Variants in ADCY2 observed in about 807,000 individuals in gnomAD.
The protein encoded by ADCY2 is adenylate cyclase type 2.
In ADCY2, 31 loss-of-function variants were observed where a neutral mutation model predicts 125.2. The ratio of observed to expected loss-of-function variants is 0.25; its 90% CI spans 0.19 to 0.33. The LOEUF is 0.33. Ranked by LOEUF, ADCY2 falls within the 10% of genes least tolerant of loss-of-function variation. The pLI is 1.00. For synonymous variants in ADCY2, 512 were observed against 548.4 expected (o/e 0.93, Z 0.93); for missense variants, 904 against 1,418.2 (o/e 0.64, Z 5.82).
chr5:7,410,982 C>G (rs1739692257), intron 1 of ADCY2, among the ~76,000 whole-genome samples: 1 of 152,126 alleles, frequency 6.6e-6, no homozygotes, highest in Non-Finnish European at 1.5e-5. Context: ...GAGAGTGTCT[C>G]TTTATTCCAT....
intron 18 of ADCY2, 97 bp downstream of exon 18, chr5:7,773,198 G>T: frequency 7.9e-7 from 1 of 1,268,662 alleles, no homozygotes; most frequent in Non-Finnish European, 1.1e-6. Flanking sequence ...CGATGTCATT[G>T]TCATTGATAA....
In ADCY2 at chr5:7,757,347, A is replaced by C. The variant is rs144028157; in HGVS notation, c.1957-102A>C. The C allele has an allele frequency of 1.2e-3, 1,716 of 1,433,562 alleles. 2 individuals carry two copies. Among genetic ancestry groups the C allele is most frequent in the Non-Finnish European group, 1.6e-3 (1,642 of 1,049,550 alleles). The allele number at this position is 1,433,562 out of a possible 1,614,324, so 88.8% of individuals were successfully genotyped here. A position where few individuals can be genotyped will look rare whatever the true frequency, so the allele number is the denominator to read the frequency against. On this transcript the variant is annotated intron_variant, in intron 15 of 24. Coordinates refer to ENST00000338316, the MANE Select transcript of ADCY2 (RefSeq NM_020546.3). ...ATAGAATCTACATGTTTAGTCTATG[A>C]ACAATGTTGGTGCTTCTTGTGGTTG... is the stretch of plus-strand genomic sequence containing the variant.
chr5:7,678,513 AAGAG>A (rs369360459), intron 4 of ADCY2, among the ~76,000 whole-genome samples: 47 of 152,360 alleles, frequency 3.1e-4, no homozygotes, highest in African/African-American at 8.9e-4. Flanking sequence ...ATAAAATTGA[AAGAG>A]AGAGATGTAC....
chr5:7,540,233 A>G (rs1309491418), intron 3 of ADCY2, among the ~76,000 whole-genome samples: 1 of 152,074 alleles, frequency 6.6e-6, no homozygotes, highest in Non-Finnish European at 1.5e-5. Flanking sequence ...AATGGGTACT[A>G]GGCCAGGTGA....
At chr5:7,818,875 T>C (rs1745205964) in intron 23 of ADCY2, among the ~76,000 whole-genome samples, 1 of 152,142 alleles carries the variant, frequency 6.6e-6, no homozygotes, top group South Asian at 2.1e-4. Flanking sequence ...ATGGGTGTAT[T>C]AGGGTTATCT....
chr5:7,670,359 C>G (rs1739891505), intron 4 of ADCY2, among the ~76,000 whole-genome samples: 1 of 152,136 alleles, frequency 6.6e-6, no homozygotes. Flanking sequence ...TAATAATATC[C>G]ATTTTCTCAA....
At chr5:7,451,366 G>T (rs1741464205) in intron 2 of ADCY2, among the ~76,000 whole-genome samples, 1 of 152,208 alleles carries the variant, frequency 6.6e-6, no homozygotes, top group Admixed American at 6.5e-5. Flanking sequence ...AATGCATGGA[G>T]GAAGTAACTG....
intron 2 of ADCY2, among the ~76,000 whole-genome samples, chr5:7,439,998 A>G (rs1019361109): frequency 6.6e-6 from 1 of 152,200 alleles, no homozygotes; most frequent in African/African-American, 2.4e-5. Flanking sequence ...GTGGAATAAG[A>G]TGGGTGAGAA....
At chr5:7,759,751 C>G (rs1743134621) in intron 16 of ADCY2, among the ~76,000 whole-genome samples, 2 of 152,184 alleles carry the variant, frequency 1.3e-5, no homozygotes, top group South Asian at 4.1e-4. Flanking sequence ...GGAAAATGTG[C>G]CATGTCTAGA....
At chr5:7,508,698 G>A (rs974215279) in intron 2 of ADCY2, among the ~76,000 whole-genome samples, 1 of 152,198 alleles carries the variant, frequency 6.6e-6, no homozygotes, top group African/African-American at 2.4e-5. Context: ...TCACCTGCCG[G>A]CTTCCATGGC....
intron 3 of ADCY2, among the ~76,000 whole-genome samples, chr5:7,569,682 T>A (rs1736013708): frequency 1.3e-5 from 2 of 152,076 alleles, no homozygotes; most frequent in South Asian, 4.1e-4. Context: ...GCCTAATCAT[T>A]CCTCTGAACT....
chr5:7,454,695 C>T (rs928476337), intron 2 of ADCY2, among the ~76,000 whole-genome samples: 1 of 152,170 alleles, frequency 6.6e-6, no homozygotes, highest in Admixed American at 6.5e-5. Flanking sequence ...AATTCCAACT[C>T]TCAGAGTTGA....
intron 4 of ADCY2, among the ~76,000 whole-genome samples, chr5:7,651,379 A>G (rs1739084731): frequency 6.6e-6 from 1 of 152,170 alleles, no homozygotes; most frequent in South Asian, 2.1e-4. Flanking sequence ...CTGAGGATCC[A>G]GGAAGCCTCA....
chr5:7,822,080 G>C (rs78110139), intron 24 of ADCY2, among the ~76,000 whole-genome samples: 3,032 of 152,170 alleles, frequency 0.02, 115 homozygotes, highest in African/African-American at 0.07. Context: ...TCCAGTATTC[G>C]GAAGAAAGAA....
chr5:7,530,422 C>T (rs1217757987), intron 3 of ADCY2, among the ~76,000 whole-genome samples: 1 of 152,136 alleles, frequency 6.6e-6, no homozygotes, highest in African/African-American at 2.4e-5. Flanking sequence ...CCCTGACACT[C>T]AGGCTGGAAG....
chr5:7,751,117 C>G (rs1742800086), intron 15 of ADCY2, among the ~76,000 whole-genome samples: 1 of 152,140 alleles, frequency 6.6e-6, no homozygotes, highest in Admixed American at 6.5e-5. Context: ...TCATCCAGTT[C>G]CTCAATAACC....
chr5:7,757,617 T>G (rs1579398441), intron 16 of ADCY2, 31 bp downstream of exon 16: 1 of 1,604,850 alleles, frequency 6.2e-7, no homozygotes, highest in Non-Finnish European at 8.5e-7. Flanking sequence ...GTGTTCAACA[T>G]GGTAAGCCCC....
chr5:7,493,103 T>C (rs942827497), intron 2 of ADCY2, among the ~76,000 whole-genome samples: 2 of 151,864 alleles, frequency 1.3e-5, no homozygotes, highest in African/African-American at 4.8e-5. Flanking sequence ...TTGCAAACCA[T>C]TGATGTAAGA....
chr5:7,509,577 A>G (rs1743977001), intron 2 of ADCY2, among the ~76,000 whole-genome samples: 2 of 152,186 alleles, frequency 1.3e-5, no homozygotes, highest in African/African-American at 4.8e-5. Context: ...TCCATCATCA[A>G]TCTCTCTAAC....
Sources: allele counts gnomAD v4.1 joint callset (sites outside exome capture counted in the v4.1 genomes callset), GRCh38; gene constraint gnomAD v4.1.1; transcripts MANE v1.5; gene names NCBI Gene and HGNC (gene_info 2026-07-23, HGNC 2026-07-21).